EDEM3: variants seen among roughly 807,000 people sequenced by gnomAD.
EDEM3 encodes the protein ER degradation enhancing alpha-mannosidase like protein 3, also known as ER degradation-enhancing alpha-mannosidase-like protein 3.
Under a neutral mutation model 110.2 loss-of-function variants are expected in EDEM3, and 60 were observed. That is an observed-to-expected ratio of 0.54 (90% CI 0.44 to 0.67). The LOEUF is 0.67. EDEM3 is among the 30% of genes least tolerant of loss of function. The pLI, the probability that EDEM3 is intolerant of heterozygous loss-of-function variation, is 0.00. For synonymous variants in EDEM3, 352 were observed against 382.9 expected, an observed-to-expected ratio of 0.92 and a Z score of 0.94; for missense variants, 996 against 1,121.0, an observed-to-expected ratio of 0.89 and a Z score of 1.59.
chr1:184,717,675 T>G (rs759096010), intron 11 of EDEM3, 52 bp from the exon 12 acceptor site: 1 of 1,394,920 alleles, frequency 7.2e-7, no homozygotes, highest in South Asian at 1.3e-5. Flanking sequence ...AATACACAAG[T>G]AGTTCCAGAA....
chr1:184,749,891 G>A (rs548737108), intron 1 of EDEM3, among the ~76,000 whole-genome samples: 36 of 152,180 alleles, frequency 2.4e-4, no homozygotes, highest in African/African-American at 8.7e-4. Context: ...CATCAGAGAA[G>A]GAAATCTGAT....
At chr1:184,716,024 G>T (rs746420705) in intron 13 of EDEM3, among the ~76,000 whole-genome samples, 2 of 152,064 alleles carry the variant, frequency 1.3e-5, no homozygotes, top group Non-Finnish European at 2.9e-5. Context: ...TCTAATTCTT[G>T]GTTATCCTTC....
intron 17 of EDEM3, 70 bp downstream of exon 17, chr1:184,708,083 A>G: frequency 7.7e-7 from 1 of 1,305,912 alleles, no homozygotes; most frequent in Non-Finnish European, 1.0e-6. Context: ...ATTAGAGAAG[A>G]GACTAAGAAA....
chr1:184,751,884 G>A (rs1305211326), intron 1 of EDEM3, among the ~76,000 whole-genome samples: 1 of 152,172 alleles, frequency 6.6e-6, no homozygotes, highest in African/African-American at 2.4e-5. Context: ...CTCCCGAGTA[G>A]CTGGGATTAA....
chr1:184,724,674 T>C (rs1215190493), intron 7 of EDEM3, among the ~76,000 whole-genome samples: 1 of 152,184 alleles, frequency 6.6e-6, no homozygotes, highest in African/African-American at 2.4e-5. Flanking sequence ...AAAATAGTTA[T>C]AATTCTTTAC....
At chr1:184,734,772 A>T (rs1044766938) in intron 4 of EDEM3, 129 bp from the exon 5 acceptor site, 24 of 331,860 alleles carry the variant, frequency 7.2e-5, no homozygotes, top group Non-Finnish European at 1.2e-4. Context: ...AATATTTCTA[A>T]GTATATTATA....
chr1:184,702,376 T>G (rs1649672905), intron 19 of EDEM3, among the ~76,000 whole-genome samples: 1 of 152,218 alleles, frequency 6.6e-6, no homozygotes, highest in African/African-American at 2.4e-5. Context: ...AGCAGTCATT[T>G]GATTATAGGT....
chr1:184,746,243 A>C (rs1652425264), intron 2 of EDEM3, among the ~76,000 whole-genome samples: 1 of 152,228 alleles, frequency 6.6e-6, no homozygotes, highest in South Asian at 2.1e-4. Flanking sequence ...AGCTGGCAGG[A>C]CATTTCTATT....
intron 6 of EDEM3, among the ~76,000 whole-genome samples, chr1:184,729,547 A>T (rs898171696): frequency 3.3e-5 from 5 of 152,154 alleles, no homozygotes; most frequent in African/African-American, 1.2e-4. Flanking sequence ...AAAATGACCA[A>T]CTCTTACAAT....
chr1:184,710,331 A>C, intron 16 of EDEM3, 63 bp downstream of exon 16: 1 of 1,557,314 alleles, frequency 6.4e-7, no homozygotes, highest in South Asian at 1.2e-5. Flanking sequence ...TATCTTATTA[A>C]AGCTAATGCG....
chr1:184,694,746 T>C (rs1649242166), intron 19 of EDEM3, among the ~76,000 whole-genome samples: 1 of 152,014 alleles, frequency 6.6e-6, no homozygotes, highest in African/African-American at 2.4e-5. Context: ...TCAGTGGACA[T>C]TAGTAAGCCA....
intron 19 of EDEM3, among the ~76,000 whole-genome samples, chr1:184,697,490 T>G (rs1298017984): frequency 6.6e-6 from 1 of 151,780 alleles, no homozygotes; most frequent in African/African-American, 2.4e-5. Context: ...CAGCAAACTT[T>G]TATTATTGGC....
At chr1:184,710,796 A>G (rs1650185163) in intron 15 of EDEM3, among the ~76,000 whole-genome samples, 1 of 152,188 alleles carries the variant, frequency 6.6e-6, no homozygotes, top group Non-Finnish European at 1.5e-5. Context: ...AGAGAACTAT[A>G]ACTATTTAAA....
intron 18 of EDEM3, among the ~76,000 whole-genome samples, chr1:184,704,046 C>T (rs550717357): frequency 6.6e-6 from 1 of 152,318 alleles, no homozygotes; most frequent in East Asian, 1.9e-4. Context: ...AAGTGAAAAA[C>T]ATTCACTATC....
intron 8 of EDEM3, among the ~76,000 whole-genome samples, chr1:184,723,226 T>C (rs1021565636): frequency 2.6e-5 from 4 of 152,020 alleles, no homozygotes; most frequent in African/African-American, 9.7e-5. Flanking sequence ...GCACTTTACT[T>C]TGGTTAACTC....
At position 184,711,876 on chromosome 1, in the gene EDEM3, G is replaced by T. The variant is rs764176154; in HGVS notation, c.1538C>A (p.Thr513Asn). 4.4e-6 allele frequency: 7 copies of T among 1,577,458 alleles called. No individual in the cohort carries two copies. The East Asian group carries it at 1.6e-4, about 36-fold the overall frequency. ...GTCATCCAGTTCTGTATATTCCGAG[G>T]TCTACAAGAGAAAAACATTTTATGT... ...TNQSISKKNT[T>N]SEYTELDDSN... is the part of the protein sequence containing the mutation. The change falls in exon 15 of 20, where the codon ACC becomes AAC. Residue 513 changes from threonine (T) to asparagine (N), a missense_variant and splice_region_variant. By Grantham distance (65) the Thr-to-Asn change is moderately conservative (BLOSUM62 0). Transcript: ENST00000318130.
rs200190442 is a variant in EDEM3, at chr1:184,753,212, C to CT, written c.158+1276dup. Among the ~76,000 whole-genome samples the CT allele has an allele frequency of 1.6e-4, 24 of 149,282 alleles. No homozygotes were observed. In the East Asian group the frequency reaches 4.3e-3, roughly 27 times the overall value. ...TTTTCTGAGCTCAGATTTTTTTTTT[C>CT]TTTTTTAAAAAAAACATGGGATGAT... is the stretch of plus-strand genomic sequence containing the variant. On this transcript the variant is annotated intron_variant, in intron 1 of 19. Transcript: ENST00000318130.
At chr1:184,736,556 T>C (rs1219342601) in intron 4 of EDEM3, among the ~76,000 whole-genome samples, 2 of 152,182 alleles carry the variant, frequency 1.3e-5, no homozygotes, top group Non-Finnish European at 2.9e-5. Flanking sequence ...ATTTCTGTAC[T>C]ATATGAGGTT....
At chr1:184,752,827 G>A (rs903685289) in intron 1 of EDEM3, among the ~76,000 whole-genome samples, 1 of 152,080 alleles carries the variant, frequency 6.6e-6, no homozygotes, top group Non-Finnish European at 1.5e-5. Flanking sequence ...CTAGCTTTGT[G>A]GCTGAACAAG....
Sources: allele counts gnomAD v4.1 joint callset (sites outside exome capture counted in the v4.1 genomes callset), GRCh38; gene constraint gnomAD v4.1.1; transcripts MANE v1.5; gene names NCBI Gene and HGNC (gene_info 2026-07-23, HGNC 2026-07-21).